Variants in THSD4 observed in about 807,000 individuals in gnomAD.
THSD4 encodes the protein thrombospondin type 1 domain containing 4.
THSD4 carries 69 observed loss-of-function variants against 119.0 expected under a neutral mutation model. The observed-to-expected ratio is 0.58, with a 90% CI of 0.48 to 0.71. The LOEUF (loss-of-function observed/expected upper bound fraction) is 0.71. THSD4 is among the 30% of genes least tolerant of loss of function. The pLI, the probability that THSD4 is intolerant of heterozygous loss-of-function variation, is 0.00. For synonymous variants in THSD4, 524 were observed against 540.4 expected (o/e 0.97, Z 0.42); for missense variants, 1,393 against 1,391.1 (o/e 1.00, Z -0.02).
intron 6 of THSD4, among the ~76,000 whole-genome samples, chr15:71,409,023 G>A (rs955326154): frequency 1.3e-5 from 2 of 152,134 alleles, no homozygotes; most frequent in East Asian, 1.9e-4. Flanking sequence ...GCTGCAGATC[G>A]GAGAAGGTGG....
At chr15:71,552,460 G>C (rs530603067) in intron 7 of THSD4, among the ~76,000 whole-genome samples, 7 of 152,272 alleles carry the variant, frequency 4.6e-5, no homozygotes, top group African/African-American at 1.7e-4. Context: ...TAGAAATGAA[G>C]GGTCAATGTA....
intron 7 of THSD4, among the ~76,000 whole-genome samples, chr15:71,494,146 C>T (rs908126567): frequency 2.6e-5 from 4 of 152,208 alleles, no homozygotes; most frequent in South Asian, 4.1e-4. Context: ...TCAATTTACA[C>T]CTGAACCTTT....
intron 6 of THSD4, among the ~76,000 whole-genome samples, chr15:71,355,868 T>G (rs1386783259): frequency 3.3e-5 from 1 of 29,936 alleles, no homozygotes; most frequent in Non-Finnish European, 7.1e-5. Context: ...TTTTCTTATT[T>G]TATTTTATTT....
At position 71,201,983 on chromosome 15, in the gene THSD4, A is replaced by T. The variant is rs551278791; in HGVS notation, c.100-13052A>T. Among the ~76,000 whole-genome samples the T allele has an allele frequency of 6.9e-4, 105 of 152,256 alleles. 1 individual carries two copies. The South Asian group carries it at 0.015, about 22-fold the overall frequency. On this transcript the variant is annotated intron_variant, in intron 3 of 17. Transcript: ENST00000261862. Reference sequence around the variant, plus strand: ...CCAGAAGGTTCAGATCAAGCCAAAGATCTGTTAAGAGGGGCCCCTTTTTCT... The same window carrying T: ...CCAGAAGGTTCAGATCAAGCCAAAGTTCTGTTAAGAGGGGCCCCTTTTTCT...
At chr15:71,116,254 G>A (rs2141349445) in intron 1 of THSD4, among the ~76,000 whole-genome samples, 1 of 152,382 alleles carries the variant, frequency 6.6e-6, no homozygotes, top group East Asian at 1.9e-4. Context: ...CCGAGTGGAT[G>A]GGTTGTTTCC....
chr15:71,166,707 A>C (rs2043298157), intron 3 of THSD4, among the ~76,000 whole-genome samples: 1 of 151,930 alleles, frequency 6.6e-6, no homozygotes, highest in Non-Finnish European at 1.5e-5. Flanking sequence ...TTTCCAGTGT[A>C]CTTCATCAGT....
At chr15:71,547,112 C>G in intron 7 of THSD4, 3 of 850,180 alleles carry the variant, frequency 3.5e-6, no homozygotes, top group Non-Finnish European at 4.6e-6. Flanking sequence ...CCACATTGAT[C>G]ATTTCTGTCC....
At chr15:71,692,929 C>G (rs1162180801) in intron 8 of THSD4, among the ~76,000 whole-genome samples, 1 of 151,998 alleles carries the variant, frequency 6.6e-6, no homozygotes, top group Non-Finnish European at 1.5e-5. Context: ...TTCCATAAAA[C>G]TTCCAAGTGG....
At chr15:71,340,463 G>A (rs568272405) in intron 6 of THSD4, among the ~76,000 whole-genome samples, 1 of 152,288 alleles carries the variant, frequency 6.6e-6, no homozygotes, top group South Asian at 2.1e-4. Flanking sequence ...GGGATGAGCT[G>A]GAAGAGCCAG....
intron 8 of THSD4, among the ~76,000 whole-genome samples, chr15:71,720,044 T>TTTC (rs2052690600): frequency 1.4e-5 from 2 of 146,568 alleles, no homozygotes; most frequent in South Asian, 4.5e-4. Flanking sequence ...TTCTTTTTTT[T>TTTC]TTTTTTTTGA....
At chr15:71,539,350 A>G (rs1211341698) in intron 7 of THSD4, among the ~76,000 whole-genome samples, 3 of 152,220 alleles carry the variant, frequency 2.0e-5, no homozygotes, top group Non-Finnish European at 4.4e-5. Context: ...CAATGTCAGC[A>G]TATGTAAAGA....
At chr15:71,170,199 G>T (rs2043343454) in intron 3 of THSD4, among the ~76,000 whole-genome samples, 1 of 152,170 alleles carries the variant, frequency 6.6e-6, no homozygotes, top group Non-Finnish European at 1.5e-5. Context: ...AGTGATGATG[G>T]TCTGCAGGAT....
chr15:71,415,550 A>G (rs6494920), intron 7 of THSD4, among the ~76,000 whole-genome samples: 134,151 of 152,010 alleles, frequency 0.88, 61,589 homozygotes, highest in East Asian at 1. Context: ...ATCCAGTTAT[A>G]CTGAGTTATT....
At chr15:71,731,459 G>A (rs528681696) in intron 10 of THSD4, 115 of 506,830 alleles carry the variant, frequency 2.3e-4, no homozygotes, top group Admixed American at 7.4e-4. Flanking sequence ...GGTCTGCCCT[G>A]CCAGTTCAAC....
chr15:71,141,321 G>T, intron 1 of THSD4, 128 bp from the exon 2 acceptor site: 1 of 550,584 alleles, frequency 1.8e-6, no homozygotes, highest in South Asian at 2.6e-5. Context: ...GGAAATCCTG[G>T]GAACCATAAC....
intron 7 of THSD4, among the ~76,000 whole-genome samples, chr15:71,431,657 G>C (rs2046944283): frequency 6.6e-6 from 1 of 152,118 alleles, no homozygotes; most frequent in African/African-American, 2.4e-5. Flanking sequence ...TGATTTATTA[G>C]GGGAACTTAC....
At chr15:71,620,864 C>G (rs2050407573) in intron 7 of THSD4, among the ~76,000 whole-genome samples, 1 of 152,128 alleles carries the variant, frequency 6.6e-6, no homozygotes, top group Non-Finnish European at 1.5e-5. Flanking sequence ...GGCTAATAAG[C>G]AGCAGGGTCA....
intron 7 of THSD4, among the ~76,000 whole-genome samples, chr15:71,428,540 A>T (rs539343469): frequency 6.6e-6 from 1 of 152,338 alleles, no homozygotes; most frequent in East Asian, 1.9e-4. Context: ...TCGTCACCTG[A>T]ACACCATATT....
chr15:71,506,256 T>C (rs953326259), intron 7 of THSD4, among the ~76,000 whole-genome samples: 2 of 152,190 alleles, frequency 1.3e-5, no homozygotes, highest in African/African-American at 4.8e-5. Context: ...TTTTGGTTTT[T>C]TTCCTTCTGT....
Sources: allele counts gnomAD v4.1 joint callset (sites outside exome capture counted in the v4.1 genomes callset), GRCh38; gene constraint gnomAD v4.1.1; transcripts MANE v1.5; gene names NCBI Gene and HGNC (gene_info 2026-07-23, HGNC 2026-07-21).